Variants in NCKAP5 observed in about 807,000 individuals in gnomAD.
The protein encoded by NCKAP5 is nck-associated protein 5.
In NCKAP5, 92 loss-of-function variants were observed where a neutral mutation model predicts 167.0. The observed-to-expected ratio is 0.55, with a 90% CI of 0.47 to 0.66. The LOEUF is 0.66. Among genes scored for constraint, NCKAP5 ranks in the 30% least tolerant of loss-of-function variants. The pLI is 0.00. For synonymous variants in NCKAP5, 891 were observed against 877.4 expected (o/e 1.02, Z -0.27); for missense variants, 2,378 against 2,315.0 (o/e 1.03, Z -0.56).
chr2:133,062,418 C>T (rs112999034), intron 6 of NCKAP5, among the ~76,000 whole-genome samples: 1,819 of 152,288 alleles, frequency 0.012, 35 homozygotes, highest in African/African-American at 0.041. Flanking sequence ...TATTAAACAG[C>T]ATTTTCAAAA....
upstream of NCKAP5, among the ~76,000 whole-genome samples, chr2:133,570,836 C>G (rs1291867719): frequency 2.0e-5 from 3 of 152,278 alleles, no homozygotes; most frequent in Admixed American, 6.5e-5. Flanking sequence ...TTAGAAAGCT[C>G]TAACCCACAA....
At chr2:133,058,359 A>G (rs1215402551) in intron 6 of NCKAP5, among the ~76,000 whole-genome samples, 2 of 152,212 alleles carry the variant, frequency 1.3e-5, no homozygotes, top group Non-Finnish European at 2.9e-5. Context: ...CCATCTGAGA[A>G]AAGTAAATTG....
At chr2:133,592,687 A>C in the NCKAP5 span, among the ~76,000 whole-genome samples, 1 of 152,230 alleles carries the variant, frequency 6.6e-6, no homozygotes, top group African/African-American at 2.4e-5. Flanking sequence ...AATTTTATAA[A>C]AGGCATCTTT....
chr2:132,863,447 G>GT (rs1690094906), intron 10 of NCKAP5, among the ~76,000 whole-genome samples: 1 of 91,972 alleles, frequency 1.1e-5, no homozygotes. Context: ...CTTCAGATGG[G>GT]TAAAAAAAAA....
At position 133,470,638 on chromosome 2, in the gene NCKAP5, G is replaced by C. The variant is rs189404267; in HGVS notation, c.69+46820C>G. Among the ~76,000 whole-genome samples the C allele has an allele frequency of 3.5e-4, 54 of 152,332 alleles. No homozygotes were observed. The East Asian group carries it at 0.01, about 29-fold the overall frequency. ...GCTGCCGCCTTGCAGTTTGATCTCA[G>C]ACTGCTGTGCTAGTAATCAGCGAGA... On this transcript the variant is annotated intron_variant, in intron 3 of 19. Coordinates refer to ENST00000409261, the MANE Select transcript of NCKAP5 (RefSeq NM_207363.3).
intron 4 of NCKAP5, among the ~76,000 whole-genome samples, chr2:133,276,798 A>G (rs1274119691): frequency 6.6e-6 from 1 of 152,144 alleles, no homozygotes; most frequent in Non-Finnish European, 1.5e-5. Context: ...GTGAATAAAT[A>G]TGACCAAAAC....
intron 8 of NCKAP5, among the ~76,000 whole-genome samples, chr2:132,887,344 T>C (rs60970826): frequency 0.13 from 13,427 of 99,544 alleles, 880 homozygotes; most frequent in East Asian, 0.42. Context: ...TCTATCTATC[T>C]ATCTATCCAT....
the NCKAP5 span, among the ~76,000 whole-genome samples, chr2:133,582,703 C>T: frequency 1.1e-4 from 16 of 152,140 alleles, no homozygotes; most frequent in African/African-American, 3.1e-4. Flanking sequence ...TGTCTATTAG[C>T]GTTTCGATTA....
Position 132,782,104 on chromosome 2 carries a change from G to C in NCKAP5, c.4707C>G (p.Ile1569Met). ...GATTATCTGCTGACTTGGTGTCCTT[G>C]ATAAGCTCATTTTCTGTCTCACACT... Reference protein sequence around the residue: ...ELQCETENELIKDTKSADNPD... With the variant: ...ELQCETENELMKDTKSADNPD... The change falls in exon 14 of 20, where the codon ATC becomes ATG. Residue 1569 changes from isoleucine (I) to methionine (M), a missense_variant. By Grantham distance (10) the Ile-to-Met change is conservative (BLOSUM62 1). This residue lies in a region of NCKAP5 where 1,325 missense variants were observed against 1,274.5 expected (regional missense o/e 1.04). Coordinates refer to ENST00000409261, the MANE Select transcript of NCKAP5 (RefSeq NM_207363.3). 6.2e-7 allele frequency: 1 copy of C among 1,614,044 alleles called. No homozygotes were observed. Among genetic ancestry groups the C allele is most frequent in the Non-Finnish European group, 8.5e-7 (1 of 1,179,894 alleles).
chr2:133,195,263 C>T (rs181134616), intron 5 of NCKAP5, among the ~76,000 whole-genome samples: 9 of 152,100 alleles, frequency 5.9e-5, no homozygotes, highest in African/African-American at 1.7e-4. Flanking sequence ...GTGTGGCTAT[C>T]GAAATGACAA....
chr2:132,843,910 C>G (rs1688479005), intron 11 of NCKAP5, among the ~76,000 whole-genome samples: 1 of 152,152 alleles, frequency 6.6e-6, no homozygotes, highest in Admixed American at 6.6e-5. Context: ...ATTTCCCCTG[C>G]TGAGACATAC....
At chr2:132,921,468 G>A (rs1695426216) in intron 8 of NCKAP5, among the ~76,000 whole-genome samples, 3 of 152,110 alleles carry the variant, frequency 2.0e-5, no homozygotes, top group Non-Finnish European at 2.9e-5. Context: ...AATATTTATC[G>A]AGTTGTCCAC....
chr2:133,533,349 T>A (rs1316103413), intron 2 of NCKAP5, among the ~76,000 whole-genome samples: 1 of 152,214 alleles, frequency 6.6e-6, no homozygotes, highest in African/African-American at 2.4e-5. Context: ...AATCTCTCAA[T>A]GTTTGAAGAT....
intron 3 of NCKAP5, among the ~76,000 whole-genome samples, chr2:133,371,863 C>A (rs1210687959): frequency 1.3e-5 from 2 of 152,100 alleles, no homozygotes; most frequent in Non-Finnish European, 2.9e-5. Context: ...CATCCCAACC[C>A]TGTTTATTTT....
intron 5 of NCKAP5, among the ~76,000 whole-genome samples, chr2:133,198,790 A>G (rs2085548260): frequency 6.6e-6 from 1 of 152,178 alleles, no homozygotes; most frequent in Admixed American, 6.6e-5. Context: ...GCTGTTTCCA[A>G]TACTGACATG....
At chr2:133,542,541 A>G (rs1686309507) in intron 2 of NCKAP5, among the ~76,000 whole-genome samples, 1 of 152,196 alleles carries the variant, frequency 6.6e-6, no homozygotes, top group African/African-American at 2.4e-5. Context: ...TCAAGTAGCA[A>G]ACCTCAGAAC....
In NCKAP5 at chr2:133,024,653, T is replaced by C. The variant is rs73956097; in HGVS notation, c.342-30414A>G. Among the ~76,000 whole-genome samples the C allele has an allele frequency of 5.1e-3, 783 of 152,346 alleles. 8 individuals carry two copies. The highest frequency in any genetic ancestry group is 0.018 in the African/African-American group (733 of 41,584). On this transcript the variant is annotated intron_variant, in intron 6 of 19. Coordinates refer to ENST00000409261, the MANE Select transcript of NCKAP5 (RefSeq NM_207363.3). ...CTGTGGAAGAAAGTAATTAACATGA[T>C]TTACTATATAATCATTCTATCATTA...
chr2:133,312,573 T>C (rs1330772903), intron 3 of NCKAP5, among the ~76,000 whole-genome samples: 4 of 152,166 alleles, frequency 2.6e-5, no homozygotes. Flanking sequence ...CTGCCTATTG[T>C]GCACTCTTCC....
At chr2:132,763,003 T>C (rs1681145606) in intron 16 of NCKAP5, among the ~76,000 whole-genome samples, 2 of 152,214 alleles carry the variant, frequency 1.3e-5, no homozygotes, top group African/African-American at 4.8e-5. Flanking sequence ...TATCCTTTCA[T>C]ATGAATACAT....
Sources: allele counts gnomAD v4.1 joint callset (sites outside exome capture counted in the v4.1 genomes callset), GRCh38; gene constraint gnomAD v4.1.1; regional missense constraint gnomAD v4.1.1; transcripts MANE v1.5; gene names NCBI Gene and HGNC (gene_info 2026-07-23, HGNC 2026-07-21).